Variants in PTK7 observed in about 807,000 individuals in gnomAD.
PTK7 encodes the protein protein tyrosine kinase 7 (inactive).
A neutral mutation model predicts 116.6 loss-of-function variants in PTK7; 39 were observed. The ratio of observed to expected loss-of-function variants is 0.33; its 90% confidence interval spans 0.26 to 0.44. The LOEUF (loss-of-function observed/expected upper bound fraction) is 0.44. Among genes scored for constraint, PTK7 ranks in the 20% least tolerant of loss-of-function variants. The pLI, the probability that PTK7 is intolerant of heterozygous loss-of-function variation, is 1.00. For missense variants in PTK7, 1,169 were observed against 1,425.6 expected, an observed-to-expected ratio of 0.82 and a Z score of 2.90; for synonymous variants, 546 against 563.6, an observed-to-expected ratio of 0.97 and a Z score of 0.44.
At position 43,161,631 on chromosome 6, in the gene PTK7, G is replaced by A. The variant is rs1317183863; in HGVS notation, c.*750G>A. 2 of 152,132 alleles carry A rather than the reference G, an allele frequency of 1.3e-5. No homozygotes were observed. Among genetic ancestry groups the A allele is most frequent in the African/African-American group, 4.8e-5 (2 of 41,422 alleles). The allele number at this position is 152,132 out of a possible 1,614,324, so 9.4% of individuals were successfully genotyped here. A position where few individuals can be genotyped will look rare whatever the true frequency, so the allele number is the denominator to read the frequency against. The stretch of plus-strand genomic sequence containing the variant: ...GCCATCCTTACCCCACACTTTTATT[G>A]TTGTCGTTTTTTGTTTGTTTTGTTT... On this transcript the variant is annotated 3_prime_UTR_variant, in exon 20 of 20. Transcript: ENST00000230419.
intron 1 of PTK7, among the ~76,000 whole-genome samples, chr6:43,115,372 AC>A (rs1206162274): frequency 6.6e-6 from 1 of 152,130 alleles, no homozygotes; most frequent in Admixed American, 6.6e-5. Context: ...TTGTAAGGAG[AC>A]TAGGAAGTAT....
chr6:43,128,245 G>A (rs1405017672), intron 1 of PTK7, among the ~76,000 whole-genome samples: 1 of 152,116 alleles, frequency 6.6e-6, no homozygotes, highest in Non-Finnish European at 1.5e-5. Context: ...TCCTCAGCCT[G>A]GCATCAAAAC....
At chr6:43,100,916 A>T (rs1329571228) in intron 1 of PTK7, among the ~76,000 whole-genome samples, 1 of 152,248 alleles carries the variant, frequency 6.6e-6, no homozygotes, top group Admixed American at 6.5e-5. Flanking sequence ...CTGGATAGAC[A>T]GTAACTCTTA....
chr6:43,111,124 T>C, intron 1 of PTK7, among the ~76,000 whole-genome samples: 1 of 152,136 alleles, frequency 6.6e-6, no homozygotes, highest in East Asian at 1.9e-4. Flanking sequence ...GGGAAGTAAA[T>C]GAAACTATAA....
chr6:43,128,899 C>T, intron 1 of PTK7, 78 bp from the exon 2 acceptor site: 1 of 1,457,846 alleles, frequency 6.9e-7, no homozygotes, highest in Non-Finnish European at 9.3e-7. Flanking sequence ...CCCTTTCCTC[C>T]TGTGCACAAG....
chr6:43,099,797 T>C (rs1231079964), intron 1 of PTK7, among the ~76,000 whole-genome samples: 2 of 151,888 alleles, frequency 1.3e-5, no homozygotes, highest in East Asian at 3.9e-4. Flanking sequence ...TGGCTGGGGG[T>C]GGTGGCTTAC....
At chr6:43,126,895 T>C (rs1769323319) in intron 1 of PTK7, among the ~76,000 whole-genome samples, 1 of 152,154 alleles carries the variant, frequency 6.6e-6, no homozygotes, top group Non-Finnish European at 1.5e-5. Context: ...CGCTGAGAAG[T>C]AATGGGCTGC....
chr6:43,128,942 C>T, intron 1 of PTK7, 35 bp from the exon 2 acceptor site: 1 of 1,570,108 alleles, frequency 6.4e-7, no homozygotes, highest in Non-Finnish European at 8.7e-7. Flanking sequence ...CTGCAGCTCC[C>T]CCTGACCCTG....
intron 1 of PTK7, among the ~76,000 whole-genome samples, chr6:43,115,460 A>G (rs1387797450): frequency 6.6e-6 from 1 of 152,106 alleles, no homozygotes; most frequent in Non-Finnish European, 1.5e-5. Flanking sequence ...GGGCTCACCT[A>G]ATAACACTGG....
At chr6:43,103,404 C>T (rs540331193) in intron 1 of PTK7, among the ~76,000 whole-genome samples, 1 of 152,170 alleles carries the variant, frequency 6.6e-6, no homozygotes, top group East Asian at 1.9e-4. Context: ...TCTTATTCAT[C>T]CTTGAGTTAG....
At position 43,121,649 on chromosome 6, in the gene PTK7, C is replaced by T. The variant is rs576562670; in HGVS notation, c.80-7328C>T. ...AACCCTTATGCTCTGGGCTCACCAT[C>T]AGACAGTCTGGGTTGCTTGCACTGA... On this transcript the variant is annotated intron_variant, in intron 1 of 19. Coordinates refer to ENST00000230419, the MANE Select transcript of PTK7 (RefSeq NM_002821.5). Among the ~76,000 whole-genome samples the T allele has an allele frequency of 3.3e-4, 50 of 152,350 alleles. 1 individual carries two copies. Among genetic ancestry groups the T allele is most frequent in the Non-Finnish European group, 1.3e-4 (9 of 68,030 alleles).
chr6:43,085,921 G>A (rs1171313840), intron 1 of PTK7, among the ~76,000 whole-genome samples: 5 of 129,558 alleles, frequency 3.9e-5, no homozygotes, highest in Admixed American at 8.8e-5. Context: ...CAACAAGAGC[G>A]AAACTCTGTC....
rs1252277514 is a variant in PTK7, at chr6:43,143,826, T to C, written c.2251+206T>C. 2.6e-5 allele frequency among the ~76,000 whole-genome samples: 4 copies of C among 152,216 alleles called. No individual in the cohort carries two copies. The highest frequency in any genetic ancestry group is 4.4e-5 in the Non-Finnish European group (3 of 68,038). Reference sequence around the variant, plus strand: ...AGCAACCTGGCTTGAGACTTCTTCATTGGAGCCCCTTGGACCAGCTTCCTA... The same window carrying C: ...AGCAACCTGGCTTGAGACTTCTTCACTGGAGCCCCTTGGACCAGCTTCCTA... On this transcript the variant is annotated intron_variant, in intron 14 of 19. Transcript: ENST00000230419. The surrounding 1 kb of genome is among the most constrained non-coding windows in gnomAD (Gnocchi z 4.2).
intron 1 of PTK7, among the ~76,000 whole-genome samples, chr6:43,115,927 CAAAA>C (rs886959744): frequency 6.6e-3 from 181 of 27,334 alleles, no homozygotes; most frequent in African/African-American, 0.024. Flanking sequence ...GACTCCATCT[CAAAA>C]AAAAAAAAAA....
At chr6:43,154,845 G>A (rs1771328348) in intron 17 of PTK7, among the ~76,000 whole-genome samples, 1 of 152,230 alleles carries the variant, frequency 6.6e-6, no homozygotes, top group Non-Finnish European at 1.5e-5. Context: ...CAACCTCTGT[G>A]CCCACTGGTG....
intron 1 of PTK7, among the ~76,000 whole-genome samples, chr6:43,086,781 G>GGTGA (rs1766682186): frequency 6.6e-6 from 1 of 152,102 alleles, no homozygotes; most frequent in Non-Finnish European, 1.5e-5. Flanking sequence ...AGCTGAAGTG[G>GGTGA]GTGAGCTGTG....
chr6:43,157,364 A>ATATATATATTTTTTTTTTTTTT (rs70990168), intron 17 of PTK7, among the ~76,000 whole-genome samples: 1 of 54,364 alleles, frequency 1.8e-5, no homozygotes, highest in Non-Finnish European at 3.3e-5. Flanking sequence ...ATATATATAT[A>ATATATATATTTTTTTTTTTTTT]TTTTTTTTTT....
At position 43,139,028 on chromosome 6, in the gene PTK7, C is replaced by T. The variant is rs773487790; in HGVS notation, c.1362+46C>T. On this transcript the variant is annotated intron_variant, in intron 8 of 19. Transcript: ENST00000230419. This position sits in a 1 kb window ranked among gnomAD's most constrained non-coding sequence, Gnocchi z 4.6. ...TAGTGGATGGGCGGGGCCTTCCCTCCACTTGCCCTCTTCTGTGCTCACCTC... is the reference window on the plus strand; with the variant it reads ...TAGTGGATGGGCGGGGCCTTCCCTCTACTTGCCCTCTTCTGTGCTCACCTC... The T allele has an allele frequency of 6.2e-7, 1 of 1,607,418 alleles. No individual in the cohort carries two copies. The highest frequency in any genetic ancestry group is 1.1e-5 in the South Asian group (1 of 90,488).
At chr6:43,080,911 C>A (rs1766339213) in intron 1 of PTK7, among the ~76,000 whole-genome samples, 1 of 152,004 alleles carries the variant, frequency 6.6e-6, no homozygotes. Context: ...CGCTGCACTC[C>A]AGCCTGGGCG....
Sources: allele counts gnomAD v4.1 joint callset (sites outside exome capture counted in the v4.1 genomes callset), GRCh38; gene constraint gnomAD v4.1.1; non-coding constraint Gnocchi (gnomAD v3.1); transcripts MANE v1.5; gene names NCBI Gene and HGNC (gene_info 2026-07-23, HGNC 2026-07-21).